Variants in VAX2 observed in about 807,000 individuals in gnomAD.
The protein encoded by VAX2 is ventral anterior homeobox 2.
Under a neutral mutation model 12.5 loss-of-function variants are expected in VAX2, and 8 were observed. The observed-to-expected ratio is 0.64, with a 90% CI of 0.37 to 1.15. The LOEUF (loss-of-function observed/expected upper bound fraction) is 1.15. Among genes scored for constraint, VAX2 ranks in the 50% most tolerant of loss-of-function variants. The pLI, the probability that VAX2 is intolerant of heterozygous loss-of-function variation, is 0.01. For synonymous variants in VAX2, 183 were observed against 187.6 expected (o/e 0.98, Z 0.20); for missense variants, 476 against 412.9 (o/e 1.15, Z -1.32).
At chr2:70,919,460 C>A (rs1309424530) in intron 1 of VAX2, among the ~76,000 whole-genome samples, 3 of 151,710 alleles carry the variant, frequency 2.0e-5, no homozygotes, top group Non-Finnish European at 4.4e-5. Context: ...GAGGCTGAGA[C>A]AAGAGGATCA....
chr2:70,925,190 G>A (rs1553413380), intron 2 of VAX2, among the ~76,000 whole-genome samples: 1 of 152,148 alleles, frequency 6.6e-6, no homozygotes, highest in Non-Finnish European at 1.5e-5. Flanking sequence ...AAGAGAAAGT[G>A]ACAGGAGATG....
chr2:70,907,189 T>C (rs1262278551), intron 1 of VAX2, among the ~76,000 whole-genome samples: 3 of 152,248 alleles, frequency 2.0e-5, no homozygotes, highest in Non-Finnish European at 4.4e-5. Flanking sequence ...GACAACCCCA[T>C]AGTTTCGAAA....
chr2:70,917,271 A>G (rs1679327870), intron 1 of VAX2, among the ~76,000 whole-genome samples: 3 of 151,676 alleles, frequency 2.0e-5, no homozygotes, highest in Admixed American at 2.0e-4. Context: ...GCAGTGAGCT[A>G]AGATTGCACC....
intron 2 of VAX2, among the ~76,000 whole-genome samples, chr2:70,923,425 C>T (rs1679504960): frequency 6.6e-6 from 1 of 152,150 alleles, no homozygotes; most frequent in African/African-American, 2.4e-5. Flanking sequence ...GGCAGTGCTC[C>T]AATTCTCCAG....
At chr2:70,910,249 T>G (rs1392142884) in intron 1 of VAX2, among the ~76,000 whole-genome samples, 1 of 152,134 alleles carries the variant, frequency 6.6e-6, no homozygotes. Context: ...GATAGGTATA[T>G]CGGAGCTCAT....
At chr2:70,915,228 G>A (rs1421145907) in intron 1 of VAX2, among the ~76,000 whole-genome samples, 1 of 150,066 alleles carries the variant, frequency 6.7e-6, no homozygotes, top group Non-Finnish European at 1.5e-5. Context: ...TTCCTTTACA[G>A]CCTCCAGTTT....
intron 1 of VAX2, among the ~76,000 whole-genome samples, chr2:70,912,578 C>T (rs1233907488): frequency 2.6e-5 from 4 of 152,164 alleles, no homozygotes; most frequent in African/African-American, 9.7e-5. Flanking sequence ...AGGAGAATCG[C>T]TTGAACCCGG....
rs189681017 is a variant in VAX2, at chr2:70,916,277, C to A, written c.248-4821C>A. ...CCCATGTATCCATCACCTAGCTTCT[C>A]TGTAGATGGCATTTTACAAACCTAT... On this transcript the variant is annotated intron_variant, in intron 1 of 2. Transcript: ENST00000234392. Among the ~76,000 whole-genome samples, 286 of 152,364 alleles carry A rather than the reference C, an allele frequency of 1.9e-3. 8 individuals are homozygous for A. The highest frequency in any genetic ancestry group is 6.8e-3 in the Middle Eastern group (2 of 294).
Position 70,912,883 on chromosome 2 carries a change from C to T in VAX2, c.248-8215C>T, listed in dbSNP as rs533691415. Among the ~76,000 whole-genome samples, 62 of 146,174 alleles carry T rather than the reference C, an allele frequency of 4.2e-4. No homozygotes were observed. In the South Asian group the frequency reaches 0.013, roughly 30 times the overall value. On this transcript the variant is annotated intron_variant, in intron 1 of 2. Coordinates refer to ENST00000234392, the MANE Select transcript of VAX2 (RefSeq NM_012476.3). ...GGCAGAATTCACCCTCCCACATACC[C>T]TCAGAGCTCACTGCTCTTTGAGGAG...
rs556863436 is a variant in VAX2 at position 70,927,166 on chromosome 2, G to T, written c.436-5601G>T. On this transcript the variant is annotated intron_variant, in intron 2 of 2. Coordinates refer to ENST00000234392, the MANE Select transcript of VAX2 (RefSeq NM_012476.3). ...TGGCAATGCCTGGCTTGCATCAAAT[G>T]CTTGATATTTCTGTGTTGCCTGAAT... Among the ~76,000 whole-genome samples, 5 of 152,150 alleles carry T rather than the reference G, an allele frequency of 3.3e-5. No individual in the cohort carries two copies. The South Asian group carries it at 1.0e-3, about 32-fold the overall frequency.
intron 2 of VAX2, among the ~76,000 whole-genome samples, chr2:70,931,281 C>T (rs1399504595): frequency 3.3e-5 from 5 of 152,234 alleles, no homozygotes; most frequent in Admixed American, 6.5e-5. Context: ...ATTCTGGTGA[C>T]TTTCTTCAGA....
chr2:70,915,730 AC>A (rs1208627591), intron 1 of VAX2, among the ~76,000 whole-genome samples: 2 of 152,104 alleles, frequency 1.3e-5, no homozygotes, highest in Non-Finnish European at 2.9e-5. Flanking sequence ...ATTTATGGTC[AC>A]CAATCTGCTT....
At chr2:70,917,167 A>G (rs1679324263) in intron 1 of VAX2, among the ~76,000 whole-genome samples, 1 of 148,404 alleles carries the variant, frequency 6.7e-6, no homozygotes, top group Non-Finnish European at 1.5e-5. Flanking sequence ...AAAAAAAAAA[A>G]AAAAATCAGC....
At chr2:70,929,910 C>T (rs1333619471) in intron 2 of VAX2, among the ~76,000 whole-genome samples, 1 of 152,244 alleles carries the variant, frequency 6.6e-6, no homozygotes, top group Non-Finnish European at 1.5e-5. Context: ...CTCCACGTGG[C>T]AAGGATTCAC....
At chr2:70,902,114 C>G (rs1678948794) in intron 1 of VAX2, among the ~76,000 whole-genome samples, 1 of 152,242 alleles carries the variant, frequency 6.6e-6, no homozygotes, top group Non-Finnish European at 1.5e-5. Flanking sequence ...CGGCTACCCT[C>G]AAGCTGACTG....
intron 2 of VAX2, among the ~76,000 whole-genome samples, 192 bp from the exon 3 acceptor site, chr2:70,932,575 G>C (rs938909426): frequency 2.1e-4 from 32 of 151,858 alleles, no homozygotes; most frequent in Non-Finnish European, 1.5e-4. Context: ...GCCTACAGCA[G>C]GATGGTTGTG....
At chr2:70,930,073 C>T (rs1244533349) in intron 2 of VAX2, among the ~76,000 whole-genome samples, 1 of 152,214 alleles carries the variant, frequency 6.6e-6, no homozygotes, top group Non-Finnish European at 1.5e-5. Context: ...GTGGTGTGCA[C>T]CTGTAGTCCC....
chr2:70,908,431 G>C (rs1553410833), intron 1 of VAX2, among the ~76,000 whole-genome samples: 1 of 152,138 alleles, frequency 6.6e-6, no homozygotes, highest in Non-Finnish European at 1.5e-5. Context: ...AATCAGTGCA[G>C]TTATATAACT....
intron 1 of VAX2, among the ~76,000 whole-genome samples, chr2:70,907,601 C>A (rs1553410754): frequency 6.6e-6 from 1 of 152,272 alleles, no homozygotes; most frequent in Non-Finnish European, 1.5e-5. Flanking sequence ...CCCACCGCGT[C>A]CACCCGCGGA....
Sources: gnomAD v4.1 joint callset for allele counts (sites outside exome capture counted in the v4.1 genomes callset) on GRCh38, gnomAD v4.1.1 for gene constraint, MANE v1.5 for transcripts, NCBI Gene and HGNC (gene_info 2026-07-23, HGNC 2026-07-21) for gene names.